The following PRKAR1A variants were observed in gnomAD, a reference collection of about 807,000 sequenced individuals.
The protein encoded by PRKAR1A is cAMP-dependent protein kinase type I-alpha regulatory subunit.
PRKAR1A carries 3 observed loss-of-function variants against 52.0 expected under a neutral mutation model. The observed-to-expected ratio is 0.06, with a 90% CI of 0.03 to 0.15. PRKAR1A has a LOEUF of 0.15. Ranked by LOEUF, PRKAR1A falls within the 10% of genes least tolerant of loss-of-function variation. The probability of loss-of-function intolerance (pLI) is 1.00; values close to 1 mark genes in which losing one functional copy is unlikely to be tolerated. For missense variants in PRKAR1A, 240 were observed against 477.4 expected, an observed-to-expected ratio of 0.50 and a Z score of 4.63; for synonymous variants, 188 against 168.4, an observed-to-expected ratio of 1.12 and a Z score of -0.90.
At chr17:68,537,827 T>A, downstream of PRKAR1A, 2 of 1,428,050 alleles carry the variant, frequency 1.4e-6, no homozygotes, top group Non-Finnish European at 1.9e-6. The surrounding 1 kb of genome is among the most constrained non-coding windows in gnomAD (Gnocchi z 4.2). Flanking sequence ...ACAGCTGTTG[T>A]AGCTGATACT....
chr17:68,514,465 T>C (rs1568686962), intron 1 of PRKAR1A, among the ~76,000 whole-genome samples: 1 of 152,216 alleles, frequency 6.6e-6, no homozygotes, highest in Non-Finnish European at 1.5e-5. Flanking sequence ...CTTTTAATTC[T>C]AGGGTAAGGT....
chr17:68,523,500 C>T (rs1216931571), intron 3 of PRKAR1A, among the ~76,000 whole-genome samples: 1 of 152,152 alleles, frequency 6.6e-6, no homozygotes, highest in Admixed American at 6.5e-5. Context: ...GAACCAAGTA[C>T]CAGACTTTAT....
At chr17:68,423,879 A>G in the PRKAR1A span, among the ~76,000 whole-genome samples, 1 of 152,226 alleles carries the variant, frequency 6.6e-6, no homozygotes, top group African/African-American at 2.4e-5. The surrounding 1 kb of genome is among the most constrained non-coding windows in gnomAD (Gnocchi z 4.4). Flanking sequence ...CTGCGATTAC[A>G]ATTAAGAATC....
the PRKAR1A span, chr17:68,428,702 T>C: frequency 7.1e-6 from 5 of 704,810 alleles, no homozygotes; most frequent in Non-Finnish European, 1.2e-5. Flanking sequence ...CACTAGAGGT[T>C]TGCCACTGAG....
the PRKAR1A span, chr17:68,422,751 AAAAAG>A: frequency 6.6e-6 from 1 of 151,480 alleles, no homozygotes; most frequent in African/African-American, 2.4e-5. Flanking sequence ...AAAAAAAAAA[AAAAAG>A]GGAAGGTCAG....
At chr17:68,435,380 C>T in the PRKAR1A span, among the ~76,000 whole-genome samples, 2 of 152,186 alleles carry the variant, frequency 1.3e-5, no homozygotes, top group Non-Finnish European at 2.9e-5. Context: ...CATAAGACCA[C>T]GAGTTTTCAT....
chr17:68,549,252 T>G (rs866691099), intron 11 of PRKAR1A, among the ~76,000 whole-genome samples: 20 of 152,192 alleles, frequency 1.3e-4, no homozygotes, highest in Admixed American at 2.6e-4. Flanking sequence ...CCCAGCACAT[T>G]GGGAGGCCAA....
At chr17:68,535,930 A>C (rs1395415027), downstream of PRKAR1A, 2 of 453,828 alleles carry the variant, frequency 4.4e-6, no homozygotes, top group Non-Finnish European at 8.8e-6. Flanking sequence ...GATTTTGCTT[A>C]CTCTCTCTGA....
the PRKAR1A span, chr17:68,421,885 T>C: frequency 1.1e-5 from 17 of 1,604,048 alleles, no homozygotes; most frequent in Admixed American, 1.7e-5. Flanking sequence ...AGGTGCATTA[T>C]CAACAGGTCT....
chr17:68,500,988 G>C, the PRKAR1A span, among the ~76,000 whole-genome samples: 1 of 152,174 alleles, frequency 6.6e-6, no homozygotes, highest in African/African-American at 2.4e-5. Context: ...TTTGATACAA[G>C]TTCCAAAGGA....
At chr17:68,480,846 C>G in the PRKAR1A span, among the ~76,000 whole-genome samples, 1 of 152,206 alleles carries the variant, frequency 6.6e-6, no homozygotes, top group East Asian at 1.9e-4. Flanking sequence ...CCAGCCAACA[C>G]AAGGATTTTT....
the PRKAR1A span, among the ~76,000 whole-genome samples, chr17:68,494,187 C>T: frequency 1.3e-5 from 2 of 152,224 alleles, no homozygotes; most frequent in Non-Finnish European, 2.9e-5. Flanking sequence ...TTTCCGTTGA[C>T]GGACTGGGTT....
At chr17:68,427,184 A>C in the PRKAR1A span, 6 of 1,614,084 alleles carry the variant, frequency 3.7e-6, no homozygotes, top group Non-Finnish European at 4.2e-6. Context: ...CGGTCGCTGC[A>C]TAAGACTGAG....
intron 11 of PRKAR1A, chr17:68,541,948 T>A: frequency 6.3e-7 from 1 of 1,599,648 alleles, no homozygotes; most frequent in Non-Finnish European, 8.5e-7. Context: ...GTGGCTACTG[T>A]CAAGGACTGG....
the PRKAR1A span, among the ~76,000 whole-genome samples, chr17:68,458,752 T>C: frequency 6.6e-6 from 1 of 152,230 alleles, no homozygotes; most frequent in Non-Finnish European, 1.5e-5. Context: ...CAGCTTTGGA[T>C]TGTATAACTG....
At chr17:68,498,426 C>A in the PRKAR1A span, among the ~76,000 whole-genome samples, 1 of 152,056 alleles carries the variant, frequency 6.6e-6, no homozygotes, top group Non-Finnish European at 1.5e-5. Flanking sequence ...TTGCAATGCC[C>A]CTGGGTCGTT....
At chr17:68,421,046 G>A in the PRKAR1A span, 1,091 of 155,350 alleles carry the variant, frequency 7.0e-3, 14 homozygotes, top group African/African-American at 0.025. Context: ...AGTAGGGCTC[G>A]AGTAGATCCT....
chr17:68,526,059 G>A (rs983830033), intron 7 of PRKAR1A, 147 bp downstream of exon 7: 2 of 1,109,610 alleles, frequency 1.8e-6, no homozygotes, highest in Non-Finnish European at 2.6e-6. Flanking sequence ...CTTTTAATGA[G>A]CAAATACTTT....
chr17:68,541,922 C>T (rs1160237794), intron 11 of PRKAR1A: 1 of 1,544,794 alleles, frequency 6.5e-7, no homozygotes. Context: ...AGCAACAAGT[C>T]CCTGGTACAG....
Sources: allele counts gnomAD v4.1 joint callset (sites outside exome capture counted in the v4.1 genomes callset), GRCh38; gene constraint gnomAD v4.1.1; non-coding constraint Gnocchi (gnomAD v3.1); transcripts MANE v1.5; gene names NCBI Gene and HGNC (gene_info 2026-07-23, HGNC 2026-07-21).